LYRM4: variants seen among roughly 807,000 people sequenced by gnomAD.
LYRM4 encodes the protein LYR motif-containing protein 4.
LYRM4 carries 9 observed loss-of-function variants against 11.7 expected under a neutral mutation model. The ratio of observed to expected loss-of-function variants is 0.77; its 90% CI spans 0.46 to 1.34. LYRM4 has a LOEUF of 1.34. Among genes scored for constraint, LYRM4 ranks in the 40% most tolerant of loss-of-function variants. The probability of loss-of-function intolerance (pLI) is 0.00; values close to 1 mark genes in which losing one functional copy is unlikely to be tolerated. For missense variants in LYRM4, 133 were observed against 112.5 expected (o/e 1.18, Z -0.82); for synonymous variants, 42 against 40.4 (o/e 1.04, Z -0.15).
intron 2 of LYRM4, among the ~76,000 whole-genome samples, chr6:5,207,398 C>T (rs545541102): frequency 9.9e-5 from 15 of 152,164 alleles, no homozygotes; most frequent in Non-Finnish European, 2.1e-4. Flanking sequence ...GGCAAGGGGC[C>T]ATCACCTCCC....
rs569514387 is a variant in LYRM4 at position 5,255,609 on chromosome 6, A to G, written c.86+5039T>C. 2.0e-5 allele frequency among the ~76,000 whole-genome samples: 3 copies of G among 152,346 alleles called. No individual in the cohort carries two copies. In the East Asian group the frequency reaches 5.8e-4, roughly 29 times the overall value. On this transcript the variant is annotated intron_variant, in intron 1 of 2. Coordinates refer to ENST00000330636, the MANE Select transcript of LYRM4 (RefSeq NM_020408.6). ...CTAAGACCAGTTAAGTTGAAGAACC[A>G]CATTCTTAAACTTTGTCTTCTTGGC...
intron 2 of LYRM4, among the ~76,000 whole-genome samples, chr6:5,140,488 G>T (rs1013428259): frequency 2.4e-4 from 36 of 152,276 alleles, no homozygotes; most frequent in Admixed American, 3.3e-4. Flanking sequence ...AGGCTGTGGC[G>T]TTGAAGGACA....
chr6:5,236,631 T>C (rs1763560295), intron 1 of LYRM4, among the ~76,000 whole-genome samples: 1 of 151,848 alleles, frequency 6.6e-6, no homozygotes, highest in Non-Finnish European at 1.5e-5. Flanking sequence ...AGAGATGGTC[T>C]GTTATAATAA....
chr6:5,082,452 G>A, the LYRM4 span, among the ~76,000 whole-genome samples: 2 of 152,194 alleles, frequency 1.3e-5, no homozygotes, highest in Admixed American at 6.5e-5. Context: ...CTACCCAACA[G>A]CTCAAGTCCA....
intron 2 of LYRM4, among the ~76,000 whole-genome samples, chr6:5,180,561 A>G (rs534388045): frequency 1.4e-4 from 22 of 152,140 alleles, no homozygotes; most frequent in African/African-American, 5.3e-4. Flanking sequence ...ACTTTGACTC[A>G]GTTTCCTGTC....
intron 2 of LYRM4, among the ~76,000 whole-genome samples, chr6:5,120,104 C>T (rs1440205215): frequency 6.6e-6 from 1 of 151,998 alleles, no homozygotes; most frequent in East Asian, 1.9e-4. Flanking sequence ...GCCATATTGG[C>T]CAGGCTGGTC....
At chr6:5,256,307 T>C (rs1051956276) in intron 1 of LYRM4, among the ~76,000 whole-genome samples, 1 of 151,442 alleles carries the variant, frequency 6.6e-6, no homozygotes, top group Admixed American at 6.6e-5. Context: ...CTGGCCAATA[T>C]GGTGAAACCC....
the LYRM4 span, among the ~76,000 whole-genome samples, chr6:5,079,688 A>T: frequency 4.8e-4 from 73 of 152,236 alleles, no homozygotes; most frequent in Non-Finnish European, 7.3e-4. Flanking sequence ...GAACAACTAC[A>T]ACAACAAAAC....
intron 2 of LYRM4, chr6:5,113,540 G>T (rs1762982052): frequency 7.3e-6 from 2 of 274,074 alleles, no homozygotes; most frequent in South Asian, 6.3e-5. Context: ...ACCCTTGCAA[G>T]TTCAAGACTG....
chr6:5,192,934 G>C (rs1041890110), intron 2 of LYRM4, among the ~76,000 whole-genome samples: 2 of 152,224 alleles, frequency 1.3e-5, no homozygotes, highest in African/African-American at 4.8e-5. Context: ...GCTGAGGCAG[G>C]AGAATGGCTT....
intron 1 of LYRM4, among the ~76,000 whole-genome samples, chr6:5,217,274 C>T (rs1393323805): frequency 6.6e-6 from 1 of 152,194 alleles, no homozygotes; most frequent in African/African-American, 2.4e-5. Context: ...TTCTGTTGTC[C>T]ACATTAGGAT....
the LYRM4 span, among the ~76,000 whole-genome samples, chr6:5,049,963 C>T: frequency 5.3e-5 from 8 of 152,316 alleles, no homozygotes; most frequent in South Asian, 2.1e-4. Context: ...CCACCATGCC[C>T]GGCCTGGGCA....
intron 2 of LYRM4, among the ~76,000 whole-genome samples, chr6:5,110,682 G>T (rs191172162): frequency 1.8e-3 from 279 of 152,292 alleles, no homozygotes; most frequent in Non-Finnish European, 3.3e-3. Flanking sequence ...GCAAGTGAAT[G>T]TCCTAATTAA....
chr6:5,197,910 G>T (rs1371079809), intron 2 of LYRM4, among the ~76,000 whole-genome samples: 5 of 151,144 alleles, frequency 3.3e-5, no homozygotes, highest in African/African-American at 1.2e-4. Context: ...GGTGGCTCAC[G>T]CCTGTAATCC....
chr6:5,098,751 G>C (rs1244629003), downstream of LYRM4, among the ~76,000 whole-genome samples: 1 of 152,158 alleles, frequency 6.6e-6, no homozygotes, highest in East Asian at 1.9e-4. Context: ...TCAGTACCAT[G>C]GCGGGCAGAA....
the LYRM4 span, among the ~76,000 whole-genome samples, chr6:5,063,477 G>T: frequency 1.3e-5 from 2 of 152,078 alleles, no homozygotes; most frequent in East Asian, 1.9e-4. Flanking sequence ...CCTTGCTTTG[G>T]TTTTTTCACA....
rs1013309504 is a variant in LYRM4 at position 5,206,960 on chromosome 6, T to C, written c.207+9658A>G. On this transcript the variant is annotated intron_variant, in intron 2 of 2. Transcript: ENST00000330636. The stretch of plus-strand genomic sequence containing the variant: ...TTTCTGACAGATAGCTTGGCTCTGG[T>C]ATTTCAAAAACACATTGAGTACAAA... Among the ~76,000 whole-genome samples the C allele has an allele frequency of 5.9e-5, 9 of 152,158 alleles. 1 individual carries two copies. The highest frequency in any genetic ancestry group is 2.0e-4 in the Admixed American group (3 of 15,278).
chr6:5,118,359 C>T (rs1180618844), intron 2 of LYRM4, among the ~76,000 whole-genome samples: 6 of 152,088 alleles, frequency 3.9e-5, no homozygotes, highest in African/African-American at 9.7e-5. Flanking sequence ...TCAGGTGATC[C>T]GCCTGACTCG....
At chr6:5,160,599 G>A (rs1758696830) in intron 2 of LYRM4, among the ~76,000 whole-genome samples, 1 of 152,058 alleles carries the variant, frequency 6.6e-6, no homozygotes, top group African/African-American at 2.4e-5. Flanking sequence ...CTTGCCTGCT[G>A]CCATGTGAGA....
Sources: allele counts gnomAD v4.1 joint callset (sites outside exome capture counted in the v4.1 genomes callset), GRCh38; gene constraint gnomAD v4.1.1; transcripts MANE v1.5; gene names NCBI Gene and HGNC (gene_info 2026-07-23, HGNC 2026-07-21).